The following RBFOX1 variants were observed in gnomAD, a reference collection of about 807,000 sequenced individuals.
RBFOX1 encodes RNA binding protein fox-1 homolog 1.
RBFOX1 carries 8 observed loss-of-function variants against 57.7 expected under a neutral mutation model. That is an observed-to-expected ratio of 0.14 (90% CI 0.08 to 0.25). The LOEUF (loss-of-function observed/expected upper bound fraction) is 0.25. Ranked by LOEUF, RBFOX1 falls within the 10% of genes least tolerant of loss-of-function variation. The pLI, the probability that RBFOX1 is intolerant of heterozygous loss-of-function variation, is 1.00. For synonymous variants in RBFOX1, 326 were observed against 222.4 expected, an observed-to-expected ratio of 1.47 and a Z score of -4.15; for missense variants, 611 against 548.5, an observed-to-expected ratio of 1.11 and a Z score of -1.14.
intron 1 of RBFOX1, among the ~76,000 whole-genome samples, chr16:5,362,292 G>C (rs543469696): frequency 2.6e-5 from 4 of 152,204 alleles, no homozygotes; most frequent in Middle Eastern, 6.8e-3. Context: ...CTGGGTTTAA[G>C]TGATTCTCTT....
At chr16:5,476,472 G>A (rs1383794921) in intron 2 of RBFOX1, among the ~76,000 whole-genome samples, 3 of 152,106 alleles carry the variant, frequency 2.0e-5, no homozygotes, top group Non-Finnish European at 4.4e-5. Context: ...TAATTGGACC[G>A]TGAGCTCATT....
chr16:5,760,099 T>G (rs2053541150), intron 3 of RBFOX1, among the ~76,000 whole-genome samples: 1 of 152,086 alleles, frequency 6.6e-6, no homozygotes, highest in South Asian at 2.1e-4. Context: ...TACCTAATAT[T>G]TATTGAGTAG....
At chr16:5,358,808 C>T (rs1403532911) in intron 1 of RBFOX1, among the ~76,000 whole-genome samples, 1 of 152,142 alleles carries the variant, frequency 6.6e-6, no homozygotes, top group African/African-American at 2.4e-5. Flanking sequence ...GCCTGTGTGA[C>T]AAGAGCAAAA....
At chr16:5,523,931 G>A (rs113173054) in intron 2 of RBFOX1, among the ~76,000 whole-genome samples, 6 of 152,150 alleles carry the variant, frequency 3.9e-5, no homozygotes, top group South Asian at 2.1e-4. Context: ...AAGGTTAAGC[G>A]CCCCTCCGCA....
intron 4 of RBFOX1, among the ~76,000 whole-genome samples, chr16:7,138,083 A>C (rs1038225877): frequency 2.0e-5 from 3 of 152,176 alleles, no homozygotes; most frequent in Non-Finnish European, 4.4e-5. Context: ...GTTTGGAGAG[A>C]ATGGTGACTC....
At chr16:6,484,159 G>A (rs1174964165) in intron 2 of RBFOX1, among the ~76,000 whole-genome samples, 1 of 152,194 alleles carries the variant, frequency 6.6e-6, no homozygotes, top group Non-Finnish European at 1.5e-5. Flanking sequence ...ATTAAGAACC[G>A]ATGTAAAAGT....
intron 5 of RBFOX1, among the ~76,000 whole-genome samples, chr16:7,563,626 C>G (rs1381530783): frequency 6.6e-6 from 1 of 152,098 alleles, no homozygotes; most frequent in Non-Finnish European, 1.5e-5. Context: ...CACCACCACA[C>G]TTGGCTAATT....
At chr16:7,435,081 A>T (rs1451245985) in intron 4 of RBFOX1, among the ~76,000 whole-genome samples, 1 of 152,178 alleles carries the variant, frequency 6.6e-6, no homozygotes, top group Non-Finnish European at 1.5e-5. Flanking sequence ...CAATATTGAT[A>T]CATTATTGTT....
intron 14 of RBFOX1, among the ~76,000 whole-genome samples, chr16:7,701,776 G>A (rs1249371317): frequency 6.6e-6 from 1 of 152,162 alleles, no homozygotes; most frequent in East Asian, 1.9e-4. Context: ...TTCACTAACT[G>A]ACCAACAGAT....
intron 4 of RBFOX1, among the ~76,000 whole-genome samples, chr16:7,468,041 C>A: frequency 6.6e-6 from 1 of 152,372 alleles, no homozygotes; most frequent in East Asian, 1.9e-4. Context: ...TTGTTAGCCG[C>A]TGAACTTCTG....
intron 1 of RBFOX1, among the ~76,000 whole-genome samples, chr16:6,273,013 A>G (rs546810027): frequency 6.6e-6 from 1 of 152,276 alleles, no homozygotes; most frequent in Non-Finnish European, 1.5e-5. Context: ...TAATCCCAGC[A>G]CTTTGGGAGG....
At chr16:6,183,483 A>AAATT (rs1555540869) in intron 1 of RBFOX1, among the ~76,000 whole-genome samples, 7 of 53,960 alleles carry the variant, frequency 1.3e-4, no homozygotes, top group Non-Finnish European at 2.6e-4. Context: ...CCATCTAAAA[A>AAATT]AATTAAATAA....
At chr16:5,662,486 C>T (rs1323488971) in intron 3 of RBFOX1, among the ~76,000 whole-genome samples, 1 of 151,976 alleles carries the variant, frequency 6.6e-6, no homozygotes, top group Admixed American at 6.6e-5. Context: ...TAAAACATGC[C>T]CATAGCATCA....
At chr16:6,852,798 C>G (rs546538270) in intron 3 of RBFOX1, among the ~76,000 whole-genome samples, 10 of 151,770 alleles carry the variant, frequency 6.6e-5, no homozygotes, top group South Asian at 4.2e-4. Flanking sequence ...TGGGAACTAG[C>G]TGTCCAGGTG....
chr16:7,373,104 T>A (rs1045926680), intron 4 of RBFOX1, among the ~76,000 whole-genome samples: 1 of 151,962 alleles, frequency 6.6e-6, no homozygotes, highest in African/African-American at 2.4e-5. Context: ...GCTAATTTTT[T>A]TGTATTTTTT....
At chr16:7,288,192 A>G (rs776719877) in intron 4 of RBFOX1, among the ~76,000 whole-genome samples, 6 of 152,216 alleles carry the variant, frequency 3.9e-5, no homozygotes, top group Non-Finnish European at 7.3e-5. Flanking sequence ...TACCTCAACC[A>G]TAGTTTGTGA....
intron 4 of RBFOX1, among the ~76,000 whole-genome samples, chr16:7,465,900 A>G (rs8045750): frequency 0.37 from 56,970 of 152,066 alleles, 11,325 homozygotes; most frequent in Non-Finnish European, 0.45. Context: ...TTTTGCCCCA[A>G]AGCATCTCAT....
At chr16:6,778,532 G>A (rs1205226861) in intron 3 of RBFOX1, among the ~76,000 whole-genome samples, 2 of 152,024 alleles carry the variant, frequency 1.3e-5, no homozygotes, top group Non-Finnish European at 2.9e-5. Context: ...ATTAATATCT[G>A]ATCGCTGTTC....
intron 2 of RBFOX1, among the ~76,000 whole-genome samples, chr16:6,489,016 C>T (rs1031876709): frequency 2.0e-5 from 3 of 152,120 alleles, no homozygotes; most frequent in Non-Finnish European, 2.9e-5. Flanking sequence ...GTCCTTATTC[C>T]CTTACAGTCT....
Sources: allele counts gnomAD v4.1 joint callset (sites outside exome capture counted in the v4.1 genomes callset), GRCh38; gene constraint gnomAD v4.1.1; transcripts MANE v1.5; gene names NCBI Gene and HGNC (gene_info 2026-07-23, HGNC 2026-07-21).